The following MARCHF1 variants were observed in gnomAD, a reference collection of about 807,000 sequenced individuals.
MARCHF1 encodes the protein membrane associated ring-CH-type finger 1.
Under a neutral mutation model 54.2 loss-of-function variants are expected in MARCHF1, and 40 were observed. That is an observed-to-expected ratio of 0.74 (90% CI 0.57 to 0.96). MARCHF1 has a LOEUF of 0.96. Among genes scored for constraint, MARCHF1 ranks in the 40% least tolerant of loss-of-function variants. The probability of loss-of-function intolerance (pLI) is 0.00; values close to 1 mark genes in which losing one functional copy is unlikely to be tolerated. For synonymous variants in MARCHF1, 236 were observed against 236.3 expected (o/e 1.00, Z 0.01); for missense variants, 586 against 656.5 (o/e 0.89, Z 1.17).
chr4:163,871,730 A>T (rs1750173751), intron 3 of MARCHF1, among the ~76,000 whole-genome samples: 1 of 152,216 alleles, frequency 6.6e-6, no homozygotes, highest in African/African-American at 2.4e-5. Context: ...TATGAAAATC[A>T]TATGCTTATT....
At chr4:163,900,150 G>C (rs1387939312) in intron 3 of MARCHF1, among the ~76,000 whole-genome samples, 1 of 151,816 alleles carries the variant, frequency 6.6e-6, no homozygotes, top group African/African-American at 2.4e-5. Flanking sequence ...CATTCTCACT[G>C]GAATACGAAC....
chr4:164,279,332 A>G (rs546130017), intron 1 of MARCHF1, among the ~76,000 whole-genome samples: 38 of 151,714 alleles, frequency 2.5e-4, no homozygotes, highest in African/African-American at 9.1e-4. Context: ...GGGAAATATA[A>G]TTGATAAATA....
At chr4:163,974,775 A>G (rs1012228604) in intron 3 of MARCHF1, among the ~76,000 whole-genome samples, 1 of 152,158 alleles carries the variant, frequency 6.6e-6, no homozygotes, top group Admixed American at 6.6e-5. Context: ...TTATGTGTCA[A>G]TTTGACTGAG....
intron 4 of MARCHF1, among the ~76,000 whole-genome samples, chr4:163,821,378 C>T (rs182454653): frequency 2.0e-5 from 3 of 152,104 alleles, no homozygotes; most frequent in Non-Finnish European, 4.4e-5. Context: ...TAGACCATGA[C>T]ATCAATAACC....
At chr4:164,049,303 C>A (rs1053649494) in intron 2 of MARCHF1, among the ~76,000 whole-genome samples, 2 of 152,150 alleles carry the variant, frequency 1.3e-5, no homozygotes, top group African/African-American at 2.4e-5. Context: ...GAACCACCCC[C>A]GTGATTCAAT....
intron 3 of MARCHF1, among the ~76,000 whole-genome samples, chr4:163,868,132 G>A (rs771199495): frequency 3.9e-4 from 59 of 151,696 alleles, no homozygotes; most frequent in Non-Finnish European, 6.9e-4. Context: ...ATTTCAAATG[G>A]GGCTTTTATA....
intron 5 of MARCHF1, among the ~76,000 whole-genome samples, chr4:163,683,929 ACT>A (rs1385956977): frequency 6.7e-6 from 1 of 149,138 alleles, no homozygotes; most frequent in Non-Finnish European, 1.5e-5. Context: ...TCACTCACTC[ACT>A]CACACGTCTA....
At position 163,612,587 on chromosome 4, in the gene MARCHF1, G is replaced by T. The variant is rs1431622940; in HGVS notation, c.694C>A (p.Leu232Ile). ...LIECESCSLN[L>I]HRGKHTRYQE... ...TACCTTGTATGTTTTCCTCTGTGGA[G>T]ATTTAAAGAGCAACTCTCACATTCA... Residue 232 changes from leucine (L) to isoleucine (I), a missense_variant, in exon 7 of 10, where the codon CTC becomes ATC. Leu to Ile is a conservative substitution (Grantham distance 5, BLOSUM62 2). This residue lies in a region of MARCHF1 where 387 missense variants were observed against 394.6 expected (regional missense o/e 0.98). Transcript: ENST00000514618. 20 of 1,535,432 alleles carry T rather than the reference G, an allele frequency of 1.3e-5. No individual in the cohort carries two copies. The highest frequency in any genetic ancestry group is 1.6e-5 in the Non-Finnish European group (18 of 1,146,570).
chr4:163,644,098 C>A (rs72683450), intron 5 of MARCHF1, among the ~76,000 whole-genome samples: 1 of 151,872 alleles, frequency 6.6e-6, no homozygotes, highest in Non-Finnish European at 1.5e-5. Context: ...AATATTTTTA[C>A]GTATTTGTTC....
intron 3 of MARCHF1, among the ~76,000 whole-genome samples, chr4:163,922,830 T>C (rs570892873): frequency 1.2e-4 from 18 of 152,176 alleles, no homozygotes; most frequent in South Asian, 4.1e-4. Flanking sequence ...TTTCTTTCAA[T>C]GGATACATAA....
intron 7 of MARCHF1, among the ~76,000 whole-genome samples, chr4:163,603,102 A>G (rs1310471239): frequency 6.6e-6 from 1 of 152,068 alleles, no homozygotes; most frequent in African/African-American, 2.4e-5. Flanking sequence ...ACAATGGGTG[A>G]CTCTATAAAC....
At chr4:163,820,969 A>AT (rs1268874255) in intron 4 of MARCHF1, among the ~76,000 whole-genome samples, 1 of 151,942 alleles carries the variant, frequency 6.6e-6, no homozygotes, top group Non-Finnish European at 1.5e-5. Flanking sequence ...AAAATTCCTT[A>AT]TTGTTCTTAA....
At chr4:164,268,300 T>A (rs1470216423) in intron 1 of MARCHF1, among the ~76,000 whole-genome samples, 2 of 152,130 alleles carry the variant, frequency 1.3e-5, no homozygotes, top group Non-Finnish European at 2.9e-5. Context: ...GGGTACTGTG[T>A]CACCCGAAGT....
intron 2 of MARCHF1, among the ~76,000 whole-genome samples, chr4:164,086,828 T>G (rs1755202063): frequency 6.6e-6 from 1 of 152,082 alleles, no homozygotes. Flanking sequence ...TTTGAGAAGA[T>G]AGATGGTGTC....
chr4:163,553,336 C>G (rs895907827), intron 8 of MARCHF1, among the ~76,000 whole-genome samples: 3 of 152,176 alleles, frequency 2.0e-5, no homozygotes, highest in Non-Finnish European at 4.4e-5. Flanking sequence ...TAGATTAATG[C>G]GTCATGCTGA....
chr4:164,132,910 TTTTCATG>T (rs1756331281), intron 1 of MARCHF1, among the ~76,000 whole-genome samples: 1 of 152,178 alleles, frequency 6.6e-6, no homozygotes, highest in Non-Finnish European at 1.5e-5. Flanking sequence ...TAGTATTTTA[TTTTCATG>T]CTCACTGTGT....
intron 1 of MARCHF1, among the ~76,000 whole-genome samples, chr4:164,173,999 T>C (rs1730594635): frequency 6.6e-6 from 1 of 152,220 alleles, no homozygotes; most frequent in South Asian, 2.1e-4. Context: ...AAAAGGTAAT[T>C]ACTCTGTAGA....
At chr4:164,125,159 C>G (rs1477877445) in intron 1 of MARCHF1, among the ~76,000 whole-genome samples, 3 of 151,916 alleles carry the variant, frequency 2.0e-5, no homozygotes, top group Non-Finnish European at 2.9e-5. Flanking sequence ...GGAGTTTATT[C>G]CAGTAAAGTG....
At chr4:164,097,411 T>C (rs1755439752) in intron 2 of MARCHF1, among the ~76,000 whole-genome samples, 1 of 152,166 alleles carries the variant, frequency 6.6e-6, no homozygotes, top group African/African-American at 2.4e-5. Context: ...AAATTTTCAT[T>C]TAAGAAATTA....
Sources: allele counts gnomAD v4.1 joint callset (sites outside exome capture counted in the v4.1 genomes callset), GRCh38; gene constraint gnomAD v4.1.1; regional missense constraint gnomAD v4.1.1; transcripts MANE v1.5; gene names NCBI Gene and HGNC (gene_info 2026-07-23, HGNC 2026-07-21).